Variants in CORIN observed in about 807,000 individuals in gnomAD.
CORIN encodes the protein atrial natriuretic peptide-converting enzyme.
A neutral mutation model predicts 125.3 loss-of-function variants in CORIN; 117 were observed. That is an observed-to-expected ratio of 0.93 (90% CI 0.80 to 1.09). The LOEUF is 1.09. Ranked by LOEUF, CORIN falls within the 50% of genes least tolerant of loss-of-function variation. The probability of loss-of-function intolerance (pLI) is 0.00; values close to 1 mark genes in which losing one functional copy is unlikely to be tolerated. For missense variants in CORIN, 1,253 were observed against 1,306.7 expected (o/e 0.96, Z 0.63); for synonymous variants, 450 against 466.4 (o/e 0.96, Z 0.45).
intron 1 of CORIN, among the ~76,000 whole-genome samples, chr4:47,812,563 T>G (rs1232441323): frequency 2.6e-5 from 4 of 152,056 alleles, no homozygotes; most frequent in African/African-American, 9.7e-5. Context: ...AAGCACTAGT[T>G]TCAGAAACAT....
chr4:47,625,105 A>G (rs61759680), intron 17 of CORIN, among the ~76,000 whole-genome samples: 4 of 152,116 alleles, frequency 2.6e-5, no homozygotes, highest in Non-Finnish European at 4.4e-5. Context: ...AGCACTTACC[A>G]AAGCCTAAAA....
At chr4:47,693,833 A>C (rs2109743991) in intron 5 of CORIN, among the ~76,000 whole-genome samples, 1 of 152,348 alleles carries the variant, frequency 6.6e-6, no homozygotes, top group South Asian at 2.1e-4. Flanking sequence ...AAAAAGATAC[A>C]AAATTTTTCA....
chr4:47,788,409 A>G (rs933529358), intron 2 of CORIN, among the ~76,000 whole-genome samples: 7 of 152,234 alleles, frequency 4.6e-5, no homozygotes, highest in Non-Finnish European at 8.8e-5. Context: ...TAAATAAAAC[A>G]TTGAAGCATA....
chr4:47,831,365 A>G (rs1041141255), intron 1 of CORIN: 2 of 152,376 alleles, frequency 1.3e-5, no homozygotes, highest in Non-Finnish European at 2.9e-5. Flanking sequence ...CCAATGCAGA[A>G]GGCTCAAGAA....
chr4:47,610,593 T>C (rs1225550009), intron 19 of CORIN, among the ~76,000 whole-genome samples: 8 of 152,324 alleles, frequency 5.3e-5, no homozygotes, highest in Middle Eastern at 3.4e-3. Context: ...AGAAACTGTT[T>C]AATTAGATCC....
intron 3 of CORIN, among the ~76,000 whole-genome samples, chr4:47,782,399 A>AAAAG (rs927609437): frequency 6.6e-6 from 1 of 151,786 alleles, no homozygotes; most frequent in South Asian, 2.1e-4. Context: ...AAAAAAAAAA[A>AAAAG]AAAGAAAGAA....
intron 11 of CORIN, among the ~76,000 whole-genome samples, chr4:47,662,451 T>G (rs1045927907): frequency 2.0e-5 from 3 of 152,192 alleles, no homozygotes; most frequent in Non-Finnish European, 4.4e-5. Context: ...TTTAAAGAAA[T>G]GATATATTAT....
rs1399504735 is a variant in CORIN at position 47,626,424 on chromosome 4, G to A, written c.2296C>T (p.His766Tyr). The change falls in exon 17 of 22, where the codon CAT (histidine) becomes TAT (tyrosine). Residue 766 changes from histidine to tyrosine, a missense_variant. Physicochemically the swap from His to Tyr is moderately conservative, Grantham distance 83. Coordinates refer to ENST00000273857, the MANE Select transcript of CORIN (RefSeq NM_006587.4). Reference protein sequence around the residue: ...NWESLNGTTLHELLVNGQSCE... With the variant: ...NWESLNGTTLYELLVNGQSCE... ...TCTTACCCATTTACTAGAAGTTCAT[G>A]TAAAGTGGTCCCATTGAGGCTCTCC... 1.2e-6 allele frequency: 2 copies of A among 1,608,044 alleles called. No individual in the cohort carries two copies. Among genetic ancestry groups the A allele is most frequent in the Middle Eastern group, 1.7e-4 (1 of 6,048 alleles).
intron 1 of CORIN, among the ~76,000 whole-genome samples, chr4:47,828,079 C>G (rs1238867950): frequency 1.3e-5 from 2 of 152,178 alleles, no homozygotes; most frequent in Non-Finnish European, 2.9e-5. Context: ...CAAATGCCCA[C>G]TAAGAGGGAA....
chr4:47,619,800 G>T (rs1456548657), intron 19 of CORIN, among the ~76,000 whole-genome samples: 1 of 152,160 alleles, frequency 6.6e-6, no homozygotes, highest in South Asian at 2.1e-4. Flanking sequence ...AAAACTGTTG[G>T]ATTCATTTAG....
At position 47,628,437 on chromosome 4, in the gene CORIN, CGTGTGTGTGTGTGT is replaced by C. The variant is rs35452886; in HGVS notation, c.2199-1930_2199-1917del. On this transcript the variant is annotated intron_variant, in intron 16 of 21. Coordinates refer to ENST00000273857, the MANE Select transcript of CORIN (RefSeq NM_006587.4). ...AAGCATATCTATCACCACATAGTTA[CGTGTGTGTGTGTGT>C]GTGTGTGTGTGTGTGTGTGTGTTAA... is the stretch of plus-strand genomic sequence containing the variant. Among the ~76,000 whole-genome samples the C allele has an allele frequency of 7.5e-5, 11 of 147,388 alleles. 1 individual carries two copies. The highest frequency in any genetic ancestry group is 1.5e-4 in the Non-Finnish European group (10 of 66,506).
At chr4:47,746,460 C>T (rs764368287) in intron 4 of CORIN, among the ~76,000 whole-genome samples, 72 of 152,268 alleles carry the variant, frequency 4.7e-4, no homozygotes, top group Non-Finnish European at 7.2e-4. Context: ...GGCAGATTGA[C>T]CCAGGACCTA....
At chr4:47,766,264 T>A (rs959495933) in intron 3 of CORIN, among the ~76,000 whole-genome samples, 2 of 152,222 alleles carry the variant, frequency 1.3e-5, no homozygotes, top group Non-Finnish European at 2.9e-5. Flanking sequence ...AAAGTCTAGA[T>A]GAGTGGTCTA....
intron 2 of CORIN, among the ~76,000 whole-genome samples, chr4:47,787,288 C>A (rs1023707078): frequency 3.9e-5 from 6 of 152,164 alleles, no homozygotes; most frequent in Admixed American, 6.5e-5. Context: ...TTACAGCATT[C>A]TCTTTCACTT....
rs1729916642 is a variant in CORIN at position 47,769,392 on chromosome 4, A to T, written c.410-5806T>A. On this transcript the variant is annotated intron_variant, in intron 3 of 21. Coordinates refer to ENST00000273857, the MANE Select transcript of CORIN (RefSeq NM_006587.4). ...GAAGTGAAAGGAAACACAAATAAAT[A>T]GAAAAATATCCTGTATTCATGGTTT... Among the ~76,000 whole-genome samples the T allele has an allele frequency of 8.5e-5, 13 of 152,240 alleles. No homozygotes were observed. In the South Asian group the frequency reaches 2.7e-3, roughly 32 times the overall value.
intron 16 of CORIN, among the ~76,000 whole-genome samples, chr4:47,629,882 A>G (rs1203454226): frequency 6.6e-6 from 1 of 152,096 alleles, no homozygotes; most frequent in Non-Finnish European, 1.5e-5. Context: ...AGATGAAAAA[A>G]TTGAGGTAGA....
chr4:47,673,176 CAAAAAATAAATA>C (rs1724844773), intron 10 of CORIN, among the ~76,000 whole-genome samples: 3 of 126,638 alleles, frequency 2.4e-5, no homozygotes, highest in East Asian at 2.3e-4. Context: ...CCATCTTTAC[CAAAAAATAAATA>C]AATAAATAAA....
intron 1 of CORIN, among the ~76,000 whole-genome samples, chr4:47,833,024 A>T (rs1429068245): frequency 6.6e-6 from 1 of 152,200 alleles, no homozygotes; most frequent in African/African-American, 2.4e-5. Flanking sequence ...CTGCCTGTGG[A>T]AAAAGTCTTG....
chr4:47,727,712 C>T (rs917302353), intron 5 of CORIN, among the ~76,000 whole-genome samples: 1 of 152,070 alleles, frequency 6.6e-6, no homozygotes, highest in African/African-American at 2.4e-5. Context: ...CTGAATGTTA[C>T]AAGAGGAGCT....
Sources: allele counts gnomAD v4.1 joint callset (sites outside exome capture counted in the v4.1 genomes callset), GRCh38; gene constraint gnomAD v4.1.1; transcripts MANE v1.5; gene names NCBI Gene and HGNC (gene_info 2026-07-23, HGNC 2026-07-21).